Variants in CDC42EP3 observed in about 807,000 individuals in gnomAD.
The protein encoded by CDC42EP3 is CDC42 effector protein (Rho GTPase binding) 3.
Under a neutral mutation model 15.5 loss-of-function variants are expected in CDC42EP3, and 4 were observed. The observed-to-expected ratio is 0.26, with a 90% CI of 0.13 to 0.59. CDC42EP3 has a LOEUF of 0.59. Among genes scored for constraint, CDC42EP3 ranks in the 20% least tolerant of loss-of-function variants. CDC42EP3 has a pLI of 0.89. For synonymous variants in CDC42EP3, 145 were observed against 130.3 expected, an observed-to-expected ratio of 1.11 and a Z score of -0.77; for missense variants, 309 against 311.2, an observed-to-expected ratio of 0.99 and a Z score of 0.05.
At chr2:37,669,972 G>A (rs924518361) in intron 1 of CDC42EP3, among the ~76,000 whole-genome samples, 1 of 152,200 alleles carries the variant, frequency 6.6e-6, no homozygotes, top group African/African-American at 2.4e-5. Flanking sequence ...TACCTGTGTA[G>A]CTTATTAACT....
intron 1 of CDC42EP3, among the ~76,000 whole-genome samples, chr2:37,655,084 G>C (rs1482845772): frequency 6.6e-6 from 1 of 152,164 alleles, no homozygotes; most frequent in Non-Finnish European, 1.5e-5. Context: ...TCTATTTTTA[G>C]ATTCTTACCC....
chr2:37,667,926 T>G (rs1666294161), intron 1 of CDC42EP3, among the ~76,000 whole-genome samples: 1 of 152,238 alleles, frequency 6.6e-6, no homozygotes, highest in African/African-American at 2.4e-5. Flanking sequence ...TGTTCTCATC[T>G]GGAAAAGAAG....
chr2:37,672,710 G>A (rs1375399481), upstream of CDC42EP3, among the ~76,000 whole-genome samples: 4 of 152,230 alleles, frequency 2.6e-5, no homozygotes, highest in Admixed American at 6.5e-5. Context: ...CAGCCCGCAT[G>A]GTCAGCCAGG....
chr2:37,647,115 G>A (rs1572505905), intron 1 of CDC42EP3, among the ~76,000 whole-genome samples: 2 of 152,324 alleles, frequency 1.3e-5, no homozygotes, highest in African/African-American at 4.8e-5. Context: ...GTAAGCATAG[G>A]ATCAGTGATT....
Position 37,650,841 on chromosome 2 carries a change from C to T in CDC42EP3, c.-235-4019G>A, listed in dbSNP as rs1665649944. On this transcript the variant is annotated intron_variant, in intron 1 of 1. Transcript: ENST00000295324. ...ACTGACAGTTGAAGTATGAACAGGT[C>T]CAAACTCAGTAGAGGCAGTGGGGCA... is the stretch of plus-strand genomic sequence containing the variant. Among the ~76,000 whole-genome samples, 3 of 152,174 alleles carry T rather than the reference C, an allele frequency of 2.0e-5. No homozygotes were observed. In the South Asian group the frequency reaches 6.2e-4, roughly 31 times the overall value.
chr2:37,655,216 G>A (rs77890935), intron 1 of CDC42EP3, among the ~76,000 whole-genome samples: 4,846 of 152,180 alleles, frequency 0.032, 260 homozygotes, highest in African/African-American at 0.11. Flanking sequence ...ACGAGCAGGC[G>A]GTATTTTAAA....
chr2:37,645,783 T>A lies in CDC42EP3; in HGVS notation c.*40A>T, dbSNP rs1665430967. ...TCTCTTCAACTGTGGTTAGTTTGTT[T>A]TTGTACCTTTTACCCCAAAGGAAAA... On this transcript the variant is annotated 3_prime_UTR_variant, in exon 2 of 2. Transcript: ENST00000295324. 1 of 1,486,228 alleles carries A rather than the reference T, an allele frequency of 6.7e-7. No individual in the cohort carries two copies. Among genetic ancestry groups the A allele is most frequent in the Admixed American group, 2.4e-5 (1 of 41,438 alleles). The allele number at this position is 1,486,228 out of a possible 1,614,324, so 92.1% of individuals were successfully genotyped here.
intron 1 of CDC42EP3, among the ~76,000 whole-genome samples, chr2:37,671,043 G>A (rs1666399727): frequency 3.3e-5 from 5 of 152,240 alleles, no homozygotes; most frequent in Admixed American, 3.3e-4. Flanking sequence ...GCACCCATGT[G>A]CGGCCCTGGT....
upstream of CDC42EP3, chr2:37,672,269 T>G (rs1666458492): frequency 6.6e-6 from 1 of 152,078 alleles, no homozygotes; most frequent in African/African-American, 2.4e-5. Context: ...ACCCGGAGAG[T>G]GGAATAAGCG....
intron 1 of CDC42EP3, among the ~76,000 whole-genome samples, chr2:37,653,267 C>G (rs1270116407): frequency 1.3e-5 from 2 of 152,122 alleles, no homozygotes; most frequent in Non-Finnish European, 2.9e-5. Flanking sequence ...GACATGCTCC[C>G]TTACAGGTTG....
intron 1 of CDC42EP3, among the ~76,000 whole-genome samples, chr2:37,668,214 C>G (rs1179045621): frequency 6.6e-6 from 1 of 152,136 alleles, no homozygotes; most frequent in Non-Finnish European, 1.5e-5. Flanking sequence ...GTAACTGAAA[C>G]CCTGGAAAAG....
At chr2:37,649,287 C>T (rs1201242225) in intron 1 of CDC42EP3, among the ~76,000 whole-genome samples, 3 of 151,284 alleles carry the variant, frequency 2.0e-5, no homozygotes, top group Non-Finnish European at 4.4e-5. Context: ...CTCATCTCTA[C>T]AAAAACTTTC....
chr2:37,653,429 T>C (rs945506388), intron 1 of CDC42EP3, among the ~76,000 whole-genome samples: 2 of 152,170 alleles, frequency 1.3e-5, no homozygotes, highest in Non-Finnish European at 2.9e-5. Flanking sequence ...GTGATAATGA[T>C]AGAAATAATC....
intron 1 of CDC42EP3, among the ~76,000 whole-genome samples, chr2:37,659,180 G>A (rs1665976614): frequency 6.6e-6 from 1 of 152,178 alleles, no homozygotes; most frequent in African/African-American, 2.4e-5. Context: ...CTTATTCATA[G>A]CAGGTATTGA....
Position 37,646,437 on chromosome 2 carries a change from C to T in CDC42EP3, c.151G>A (p.Asp51Asn), listed in dbSNP as rs749381259. 6 of 1,614,148 alleles carry T rather than the reference C, an allele frequency of 3.7e-6. No homozygotes were observed. In the East Asian group the frequency reaches 6.7e-5, roughly 18 times the overall value. ...AGAAAGGAAATATCTCCAAAGACAT[C>T]GTGCTGGCCCTCTTTGCCAATGTGG... Reference protein sequence around the residue: ...TIHIGKEGQHDVFGDISFLQG... With the variant: ...TIHIGKEGQHNVFGDISFLQG... The change falls in exon 2 of 2, where the codon GAT (aspartate) becomes AAT (asparagine). Residue 51 changes from aspartate to asparagine, a missense_variant. Coordinates refer to ENST00000295324, the MANE Select transcript of CDC42EP3 (RefSeq NM_006449.5).
chr2:37,666,140 C>T (rs983866328), intron 1 of CDC42EP3, among the ~76,000 whole-genome samples: 1 of 152,166 alleles, frequency 6.6e-6, no homozygotes, highest in Admixed American at 6.5e-5. Context: ...TAAAATGTCC[C>T]TGGGTTGCTT....
At chr2:37,648,527 G>A (rs974379695) in intron 1 of CDC42EP3, among the ~76,000 whole-genome samples, 1 of 152,238 alleles carries the variant, frequency 6.6e-6, no homozygotes. Flanking sequence ...ATGCTGGCCA[G>A]CAACCCAGGC....
In CDC42EP3 at chr2:37,646,153, G is replaced by T; in HGVS notation, c.435C>A (p.Cys145Ter). ...GAGCTTTTTCCTCCATGACGGGCTC[G>T]CAGCTAAGCCTGGGCAGCTTTGCTG... ...FGPAKLPRLS[C>*]EPVMEEKAQE... The change falls in exon 2 of 2, where the codon TGC (cysteine) becomes TGA (stop). Residue 145 changes from cysteine (C) to a stop codon, truncating the protein, a stop_gained. Transcript: ENST00000295324. LOFTEE classifies it high-confidence loss of function. 6.2e-7 allele frequency: 1 copy of T among 1,614,136 alleles called. No homozygotes were observed. Among genetic ancestry groups the T allele is most frequent in the Non-Finnish European group, 8.5e-7 (1 of 1,180,004 alleles).
Position 37,644,314 on chromosome 2 carries a change from C to G in CDC42EP3, c.*1509G>C, listed in dbSNP as rs1165331171. The G allele has an allele frequency of 6.6e-6, 1 of 152,158 alleles. No individual in the cohort carries two copies. The highest frequency in any genetic ancestry group is 1.5e-5 in the Non-Finnish European group (1 of 68,036). 9.4% of individuals were successfully genotyped at this position (152,158 alleles called of 1,614,324 possible). ...GTTTGAGAGAAGGAGCTGGTAGTTA[C>G]TGTGTGCAAGTGTTTTTCTTTGATG... On this transcript the variant is annotated 3_prime_UTR_variant, in exon 2 of 2. Transcript: ENST00000295324.
Sources: allele counts gnomAD v4.1 joint callset (sites outside exome capture counted in the v4.1 genomes callset), GRCh38; gene constraint gnomAD v4.1.1; transcripts MANE v1.5; gene names NCBI Gene and HGNC (gene_info 2026-07-23, HGNC 2026-07-21).